RAPGEF4: variants seen among roughly 807,000 people sequenced by gnomAD.
RAPGEF4 encodes RAP guanine-nucleotide-exchange factor (GEF) 4.
RAPGEF4 carries 66 observed loss-of-function variants against 147.9 expected under a neutral mutation model. That is an observed-to-expected ratio of 0.45 (90% confidence interval 0.37 to 0.55). RAPGEF4 has a LOEUF of 0.55. Ranked by LOEUF, RAPGEF4 falls within the 20% of genes least tolerant of loss-of-function variation. RAPGEF4 has a pLI of 0.00. For missense variants in RAPGEF4, 1,071 were observed against 1,257.3 expected (o/e 0.85, Z 2.24); for synonymous variants, 419 against 442.7 (o/e 0.95, Z 0.67).
At chr2:173,041,259 T>TG (rs1170316793) in intron 29 of RAPGEF4, among the ~76,000 whole-genome samples, 1 of 152,100 alleles carries the variant, frequency 6.6e-6, no homozygotes, top group East Asian at 1.9e-4. Context: ...CCTCAATCTA[T>TG]GGAAAAAAAG....
intron 4 of RAPGEF4, among the ~76,000 whole-genome samples, chr2:172,845,342 T>A (rs1460641481): frequency 6.6e-6 from 1 of 152,190 alleles, no homozygotes; most frequent in Non-Finnish European, 1.5e-5. Context: ...CCTAATGAGA[T>A]GCCTGACAGT....
chr2:172,828,544 T>G (rs1263198467), intron 4 of RAPGEF4, among the ~76,000 whole-genome samples: 1 of 152,142 alleles, frequency 6.6e-6, no homozygotes, highest in Non-Finnish European at 1.5e-5. Context: ...GTGTGCTTGC[T>G]TGCTCTCTTG....
At chr2:172,801,848 C>G (rs1687015808) in intron 3 of RAPGEF4, among the ~76,000 whole-genome samples, 1 of 152,132 alleles carries the variant, frequency 6.6e-6, no homozygotes, top group South Asian at 2.1e-4. Flanking sequence ...ACCTGGGTGT[C>G]TGATGCAGCT....
At position 173,048,343 on chromosome 2, in the gene RAPGEF4, T is replaced by C. The variant is rs926813383; in HGVS notation, c.2854-257T>C. On this transcript the variant is annotated intron_variant, in intron 29 of 30. Transcript: ENST00000397081. ...TCAGGCATGATAGATGTTTTTTACA[T>C]CATGGGGAATATGCCAACAATTATG... 4.3e-5 allele frequency: 28 copies of C among 649,280 alleles called. No homozygotes were observed. In the African/African-American group the frequency reaches 5.1e-4, roughly 12 times the overall value. The allele number at this position is 649,280 out of a possible 1,614,324, so 40.2% of individuals were successfully genotyped here.
At position 173,018,681 on chromosome 2, in the gene RAPGEF4, C is replaced by G; in HGVS notation, c.2034C>G (p.Asp678Glu). 6.2e-7 allele frequency: 1 copy of G among 1,614,046 alleles called. No individual in the cohort carries two copies. Among genetic ancestry groups the G allele is most frequent in the Non-Finnish European group, 8.5e-7 (1 of 1,180,004 alleles). ...DEVLFKVYCMDHTYTTIRVPV... is the reference protein window; with the variant it reads ...DEVLFKVYCMEHTYTTIRVPV... ...TTCTGTTTAAGGTCTATTGCATGGA[C>G]CACACCTACACAACCATTCGGGTGC... The change falls in exon 22 of 31, where the codon GAC becomes GAG. Residue 678 changes from aspartate to glutamate, a missense_variant. Transcript: ENST00000397081.
At chr2:173,036,547 A>G in intron 28 of RAPGEF4, 81 bp from the exon 29 acceptor site, 1 of 1,095,522 alleles carries the variant, frequency 9.1e-7, no homozygotes, top group Non-Finnish European at 1.3e-6. Context: ...ATCTGCCAGC[A>G]TAATCTAATG....
intron 6 of RAPGEF4, among the ~76,000 whole-genome samples, chr2:172,935,925 A>C (rs993490550): frequency 6.6e-6 from 1 of 152,228 alleles, no homozygotes; most frequent in African/African-American, 2.4e-5. Flanking sequence ...CCAAATTTAC[A>C]TTCAGATAAG....
At chr2:172,927,849 C>G (rs535578801) in intron 6 of RAPGEF4, among the ~76,000 whole-genome samples, 6 of 152,178 alleles carry the variant, frequency 3.9e-5, no homozygotes, top group Non-Finnish European at 8.8e-5. Context: ...TCCCTCTGCT[C>G]TAGGGTACCA....
intron 4 of RAPGEF4, among the ~76,000 whole-genome samples, chr2:172,890,982 T>C (rs1346404316): frequency 6.6e-6 from 1 of 152,040 alleles, no homozygotes; most frequent in African/African-American, 2.4e-5. Context: ...ATACAAAAAA[T>C]TAGCCAGGTG....
At chr2:173,050,757 C>A (rs75747579) in intron 30 of RAPGEF4, among the ~76,000 whole-genome samples, 1,384 of 119,260 alleles carry the variant, frequency 0.012, no homozygotes, top group Middle Eastern at 0.014. Flanking sequence ...CATTTCTTAA[C>A]AAAAAAAAAA....
At chr2:172,874,692 G>A (rs529405012) in intron 4 of RAPGEF4, among the ~76,000 whole-genome samples, 7 of 152,104 alleles carry the variant, frequency 4.6e-5, no homozygotes, top group African/African-American at 1.7e-4. Context: ...ATTGTGAATA[G>A]TGCCGCAATA....
chr2:173,030,370 G>A, intron 26 of RAPGEF4, 116 bp downstream of exon 26: 1 of 807,436 alleles, frequency 1.2e-6, no homozygotes, highest in South Asian at 1.6e-5. Context: ...GGGAAAGGTG[G>A]GACACTTGGA....
intron 6 of RAPGEF4, among the ~76,000 whole-genome samples, chr2:172,957,355 C>T (rs925687597): frequency 7.9e-5 from 12 of 152,194 alleles, no homozygotes; most frequent in Non-Finnish European, 2.9e-5. Context: ...AGAAACTTTA[C>T]TTGAAAACCA....
chr2:172,828,851 T>C (rs1425079314), intron 4 of RAPGEF4, among the ~76,000 whole-genome samples: 2 of 152,198 alleles, frequency 1.3e-5, no homozygotes, highest in Non-Finnish European at 2.9e-5. Flanking sequence ...ACACATTTGT[T>C]ACCTCTCAGC....
intron 25 of RAPGEF4, among the ~76,000 whole-genome samples, chr2:173,029,035 C>T (rs151274735): frequency 2.6e-5 from 4 of 152,180 alleles, no homozygotes; most frequent in Non-Finnish European, 4.4e-5. Flanking sequence ...GAGGCAAACA[C>T]ATAGATGCGA....
chr2:172,964,800 G>T (rs993809062), intron 8 of RAPGEF4, among the ~76,000 whole-genome samples: 1 of 152,132 alleles, frequency 6.6e-6, no homozygotes, highest in African/African-American at 2.4e-5. Flanking sequence ...ACCCCATGGG[G>T]AATTTCTGTA....
intron 15 of RAPGEF4, among the ~76,000 whole-genome samples, chr2:172,991,366 C>T (rs933787513): frequency 6.6e-6 from 1 of 152,150 alleles, no homozygotes; most frequent in African/African-American, 2.4e-5. Flanking sequence ...GATGGAAACC[C>T]AGACTTCCAA....
chr2:172,928,392 C>A, intron 6 of RAPGEF4: 1 of 341,628 alleles, frequency 2.9e-6, no homozygotes, highest in Non-Finnish European at 5.8e-6. Context: ...TGTCATCCAT[C>A]TAAATGGTAA....
At chr2:172,939,723 T>C (rs1686959601) in intron 6 of RAPGEF4, among the ~76,000 whole-genome samples, 1 of 152,232 alleles carries the variant, frequency 6.6e-6, no homozygotes. Context: ...TTTTCCCCTG[T>C]ATTTTCTTCT....
Sources: gnomAD v4.1 joint callset for allele counts (sites outside exome capture counted in the v4.1 genomes callset) on GRCh38, gnomAD v4.1.1 for gene constraint, MANE v1.5 for transcripts, NCBI Gene and HGNC (gene_info 2026-07-23, HGNC 2026-07-21) for gene names.